The following OR9Q1 variants were observed in gnomAD, a reference collection of about 807,000 sequenced individuals.
OR9Q1 encodes olfactory receptor family 9 subfamily Q member 1.
For missense variants in OR9Q1, 374 were observed against 378.8 expected (o/e 0.99, Z 0.11); for synonymous variants, 153 against 148.6 (o/e 1.03, Z -0.22).
intron 2 of OR9Q1, among the ~76,000 whole-genome samples, chr11:58,170,095 A>G (rs750864922): frequency 2.6e-5 from 4 of 152,154 alleles, no homozygotes; most frequent in Admixed American, 6.6e-5. Flanking sequence ...CTTTGCTGCC[A>G]TGGTGGATGC....
intron 2 of OR9Q1, chr11:58,125,238 C>T (rs1270978841): frequency 4.4e-5 from 3 of 68,524 alleles, no homozygotes; most frequent in Non-Finnish European, 7.7e-5. Context: ...CCTTACCCAC[C>T]GCCCCCCCCC....
chr11:58,119,349 CAG>C, intron 2 of OR9Q1: 1 of 1,613,814 alleles, frequency 6.2e-7, no homozygotes, highest in Non-Finnish European at 8.5e-7. Context: ...GGTAGAAACT[CAG>C]AAACACCAGA....
At chr11:58,165,417 T>C (rs1370593430) in intron 2 of OR9Q1, among the ~76,000 whole-genome samples, 1 of 152,188 alleles carries the variant, frequency 6.6e-6, no homozygotes. Flanking sequence ...TAGGCAACAG[T>C]CTCTCCCACA....
chr11:58,163,029 T>C (rs942741068), intron 2 of OR9Q1, among the ~76,000 whole-genome samples: 4 of 152,182 alleles, frequency 2.6e-5, no homozygotes, highest in Non-Finnish European at 4.4e-5. Context: ...GTGAATCAGA[T>C]AGGCAATAAA....
chr11:58,120,803 C>CATAT (rs61634454), intron 2 of OR9Q1, among the ~76,000 whole-genome samples: 5,616 of 132,572 alleles, frequency 0.042, 204 homozygotes, highest in Middle Eastern at 0.088. Context: ...ATTTCAATAC[C>CATAT]ATATATATAT....
chr11:58,034,769 T>TCCTTCCTTCCTTCCTTCCTTC (rs58499677), intron 1 of OR9Q1, among the ~76,000 whole-genome samples: 1 of 19,606 alleles, frequency 5.1e-5, no homozygotes, highest in Non-Finnish European at 1.3e-4. Flanking sequence ...CTTCCTTCCT[T>TCCTTCCTTCCTTCCTTCCTTC]CTTCCTTCCC....
intron 2 of OR9Q1, among the ~76,000 whole-genome samples, chr11:58,156,391 C>G (rs1169779312): frequency 6.6e-6 from 1 of 152,170 alleles, no homozygotes; most frequent in Non-Finnish European, 1.5e-5. Context: ...TGGGACAGTC[C>G]TTATGTCCAT....
intron 2 of OR9Q1, among the ~76,000 whole-genome samples, chr11:58,063,308 T>C (rs1177763088): frequency 4.6e-5 from 7 of 152,154 alleles, no homozygotes; most frequent in Non-Finnish European, 1.0e-4. Flanking sequence ...AGTATCTATT[T>C]CATAGGGTTG....
chr11:58,024,550 A>C (rs538560553), intron 1 of OR9Q1, among the ~76,000 whole-genome samples: 3 of 152,136 alleles, frequency 2.0e-5, no homozygotes, highest in Admixed American at 2.0e-4. Flanking sequence ...CATGGGCCTC[A>C]AACTGTTTTT....
intron 2 of OR9Q1, among the ~76,000 whole-genome samples, chr11:58,150,737 T>C (rs913978835): frequency 6.6e-6 from 1 of 152,356 alleles, no homozygotes; most frequent in East Asian, 1.9e-4. Flanking sequence ...TTGATAATTA[T>C]AATAAAAGAC....
At chr11:58,090,526 G>A (rs569602222) in intron 2 of OR9Q1, among the ~76,000 whole-genome samples, 18 of 152,310 alleles carry the variant, frequency 1.2e-4, no homozygotes, top group Non-Finnish European at 2.5e-4. Flanking sequence ...GCTTTTTGAT[G>A]TGCTGCTGGA....
At chr11:58,130,620 C>T (rs1215171389) in intron 2 of OR9Q1, among the ~76,000 whole-genome samples, 1 of 152,066 alleles carries the variant, frequency 6.6e-6, no homozygotes, top group Non-Finnish European at 1.5e-5. Context: ...GGCGAAACCC[C>T]ATTTCTACTA....
At chr11:58,135,518 A>T (rs1158319848) in intron 2 of OR9Q1, among the ~76,000 whole-genome samples, 1 of 152,128 alleles carries the variant, frequency 6.6e-6, no homozygotes, top group Non-Finnish European at 1.5e-5. Flanking sequence ...TTAAGTCAGC[A>T]CAAGCAGATG....
intron 1 of OR9Q1, among the ~76,000 whole-genome samples, chr11:58,038,663 C>T (rs1380039878): frequency 6.6e-6 from 1 of 152,228 alleles, no homozygotes; most frequent in Non-Finnish European, 1.5e-5. Context: ...ACTGGATCTA[C>T]ACTTTGAAAT....
At chr11:58,097,411 C>T (rs1192258670) in intron 2 of OR9Q1, among the ~76,000 whole-genome samples, 5 of 152,176 alleles carry the variant, frequency 3.3e-5, no homozygotes, top group African/African-American at 1.2e-4. Context: ...TTATAAGAAA[C>T]TGGCAAATAC....
chr11:58,128,681 G>C (rs566953437), intron 2 of OR9Q1, among the ~76,000 whole-genome samples: 1 of 152,100 alleles, frequency 6.6e-6, no homozygotes, highest in South Asian at 2.1e-4. Flanking sequence ...AAGATGAATG[G>C]ATAAAGAAAA....
At chr11:58,073,283 T>C in intron 2 of OR9Q1, 1 of 200,236 alleles carries the variant, frequency 5.0e-6, no homozygotes. Flanking sequence ...TCTACTAAAA[T>C]AAATATTATG....
intron 2 of OR9Q1, among the ~76,000 whole-genome samples, chr11:58,093,975 C>G (rs573726079): frequency 6.6e-6 from 1 of 151,976 alleles, no homozygotes; most frequent in African/African-American, 2.4e-5. Flanking sequence ...ATATTTACAT[C>G]AAAAATATGC....
chr11:58,025,442 C>T (rs1158304714), intron 1 of OR9Q1, among the ~76,000 whole-genome samples: 3 of 152,202 alleles, frequency 2.0e-5, no homozygotes, highest in African/African-American at 4.8e-5. Context: ...CCTTGTGATC[C>T]GCCCGCTCAG....
Sources: gnomAD v4.1 joint callset for allele counts (sites outside exome capture counted in the v4.1 genomes callset) on GRCh38, gnomAD v4.1.1 for gene constraint, MANE v1.5 for transcripts, NCBI Gene and HGNC (gene_info 2026-07-23, HGNC 2026-07-21) for gene names.